ZNF334: variants seen among roughly 807,000 people sequenced by gnomAD.
ZNF334 encodes zinc finger protein 334.
A neutral mutation model predicts 12.4 loss-of-function variants in ZNF334; 14 were observed. The observed-to-expected ratio is 1.13, with a 90% CI of 0.74 to 1.76. The LOEUF (loss-of-function observed/expected upper bound fraction) is 1.76, where lower values mean the gene tolerates loss of function less well. Ranked by LOEUF, ZNF334 falls within the 40% of genes most tolerant of loss-of-function variation. The pLI, the probability that ZNF334 is intolerant of heterozygous loss-of-function variation, is 0.00. For missense variants in ZNF334, 797 were observed against 804.5 expected, an observed-to-expected ratio of 0.99 and a Z score of 0.11; for synonymous variants, 273 against 269.6, an observed-to-expected ratio of 1.01 and a Z score of -0.12.
chr20:46,504,811 A>G (rs1405977544), intron 2 of ZNF334, 71 bp from the exon 3 acceptor site: 4 of 1,396,714 alleles, frequency 2.9e-6, no homozygotes, highest in Non-Finnish European at 3.9e-6. Flanking sequence ...ATAAACTATA[A>G]GAAGACCACT....
chr20:46,512,002 ATTTCG>A, intron 2 of ZNF334, 75 bp downstream of exon 2: 20 of 1,398,184 alleles, frequency 1.4e-5, no homozygotes, highest in South Asian at 3.5e-5. Context: ...AATTTTATAC[ATTTCG>A]TTTCATCTGC....
At chr20:46,490,057 G>A in the ZNF334 span, among the ~76,000 whole-genome samples, 66 of 152,210 alleles carry the variant, frequency 4.3e-4, 1 homozygote, top group African/African-American at 1.4e-3. Flanking sequence ...TGACACCACA[G>A]TTTTATATAA....
At chr20:46,469,391 C>T in the ZNF334 span, among the ~76,000 whole-genome samples, 3 of 144,682 alleles carry the variant, frequency 2.1e-5, no homozygotes, top group Non-Finnish European at 4.5e-5. Flanking sequence ...TTTTTTGAGA[C>T]GGAGTCTCGC....
downstream of ZNF334, among the ~76,000 whole-genome samples, chr20:46,495,041 G>A (rs1408102519): frequency 2.0e-5 from 3 of 151,902 alleles, no homozygotes; most frequent in African/African-American, 7.3e-5. Context: ...TTTTCATTGG[G>A]GTTTTAATAT....
intron 2 of ZNF334, among the ~76,000 whole-genome samples, chr20:46,507,249 G>T (rs2061466219): frequency 6.6e-6 from 1 of 151,936 alleles, no homozygotes; most frequent in Non-Finnish European, 1.5e-5. Context: ...CAAGGGAAAG[G>T]GAAGGGGAAG....
chr20:46,510,222 A>T (rs2061594087), intron 2 of ZNF334, among the ~76,000 whole-genome samples: 1 of 152,118 alleles, frequency 6.6e-6, no homozygotes, highest in Admixed American at 6.5e-5. Flanking sequence ...TTTTGGAGGA[A>T]TTGGTCAGTG....
chr20:46,490,715 T>G, the ZNF334 span, among the ~76,000 whole-genome samples: 2 of 152,330 alleles, frequency 1.3e-5, no homozygotes, highest in South Asian at 4.1e-4. Flanking sequence ...CTTCTCATCC[T>G]ACCCCTCTAA....
At chr20:46,463,202 G>A in the ZNF334 span, among the ~76,000 whole-genome samples, 2,353 of 152,288 alleles carry the variant, frequency 0.015, 20 homozygotes, top group East Asian at 0.027. Flanking sequence ...AGCCGAGATC[G>A]TGTGACTGTA....
At position 46,502,117 on chromosome 20, in the gene ZNF334, T is replaced by C; in HGVS notation, c.1222A>G (p.Ser408Gly). Residue 408 changes from serine (S) to glycine (G), a missense_variant, in exon 5 of 5, where the codon AGT (serine) becomes GGT (glycine). Ser to Gly is a moderately conservative substitution (Grantham distance 56, BLOSUM62 0). Coordinates refer to ENST00000692313, the MANE Select transcript of ZNF334 (RefSeq NM_001353824.2). ...CAAAAGAAGGTTTTCTCACATTCAC[T>C]ACATTCATAGGGTTTTTCCCCTGTG... ...IHTGEKPYEC[S>G]ECEKTFFCQS... 1 of 1,614,234 alleles carries C rather than the reference T, an allele frequency of 6.2e-7. No homozygotes were observed. Among genetic ancestry groups the C allele is most frequent in the Middle Eastern group, 1.6e-4 (1 of 6,062 alleles).
the ZNF334 span, chr20:46,484,590 A>C: frequency 1.2e-5 from 2 of 167,536 alleles, no homozygotes; most frequent in Non-Finnish European, 2.9e-5. Flanking sequence ...GTCTTTGGGT[A>C]AGGAAGGTCT....
At chr20:46,510,138 T>C (rs1204805242) in intron 2 of ZNF334, among the ~76,000 whole-genome samples, 2 of 152,182 alleles carry the variant, frequency 1.3e-5, no homozygotes, top group African/African-American at 4.8e-5. Context: ...ATACCAAGGA[T>C]GCTGAACTTG....
At chr20:46,508,249 G>C (rs756520359) in intron 2 of ZNF334, among the ~76,000 whole-genome samples, 1 of 152,202 alleles carries the variant, frequency 6.6e-6, no homozygotes, top group Non-Finnish European at 1.5e-5. Context: ...CCCAAAAAAA[G>C]AAATGATGAG....
intron 2 of ZNF334, chr20:46,505,092 AAAG>A (rs753275063): frequency 1.3e-4 from 23 of 170,582 alleles, no homozygotes; most frequent in Non-Finnish European, 2.6e-4. Flanking sequence ...GGTGATCACA[AAAG>A]AAGAAAGCTT....
At chr20:46,481,946 G>C in the ZNF334 span, among the ~76,000 whole-genome samples, 2 of 152,038 alleles carry the variant, frequency 1.3e-5, no homozygotes, top group African/African-American at 4.8e-5. Flanking sequence ...ATTAAGTTGA[G>C]GATCTTCAGA....
At chr20:46,473,417 G>A in the ZNF334 span, among the ~76,000 whole-genome samples, 2 of 152,106 alleles carry the variant, frequency 1.3e-5, no homozygotes, top group African/African-American at 4.8e-5. Context: ...TGAGATAAGT[G>A]CTTCATTATT....
In ZNF334 at chr20:46,512,979, T is replaced by A. The variant is rs1362557369; in HGVS notation, c.-478A>T. On this transcript the variant is annotated 5_prime_UTR_variant, in exon 1 of 5. Coordinates refer to ENST00000692313, the MANE Select transcript of ZNF334 (RefSeq NM_001353824.2). Reference sequence around the variant, plus strand: ...GAATGACATGTATGTGTTTAGGAAGTGATGAAGACATCATTTCCTTATTTA... The same window carrying A: ...GAATGACATGTATGTGTTTAGGAAGAGATGAAGACATCATTTCCTTATTTA... 1 of 152,106 alleles carries A rather than the reference T, an allele frequency of 6.6e-6. No individual in the cohort carries two copies. The highest frequency in any genetic ancestry group is 1.5e-5 in the Non-Finnish European group (1 of 68,014). The allele number at this position is 152,106 out of a possible 1,614,324, so 9.4% of individuals were successfully genotyped here.
chr20:46,499,071 G>A (rs1198963746), downstream of ZNF334, among the ~76,000 whole-genome samples: 3 of 149,926 alleles, frequency 2.0e-5, no homozygotes, highest in African/African-American at 7.4e-5. Flanking sequence ...CTACTTGGGA[G>A]GCTGAGGCAG....
the ZNF334 span, among the ~76,000 whole-genome samples, chr20:46,489,649 C>CAAAAA: frequency 1.1e-5 from 1 of 90,768 alleles, no homozygotes; most frequent in Non-Finnish European, 2.3e-5. Context: ...CAGACTCTCT[C>CAAAAA]AAAAAAAAAA....
At chr20:46,509,576 G>C (rs969624971) in intron 2 of ZNF334, 4 of 702,910 alleles carry the variant, frequency 5.7e-6, no homozygotes, top group Non-Finnish European at 7.8e-6. Flanking sequence ...GCACAGAATA[G>C]AGAAAGGATG....
Sources: gnomAD v4.1 joint callset for allele counts (sites outside exome capture counted in the v4.1 genomes callset) on GRCh38, gnomAD v4.1.1 for gene constraint, MANE v1.5 for transcripts, NCBI Gene and HGNC (gene_info 2026-07-23, HGNC 2026-07-21) for gene names.